The following CFAP276 variants were observed in gnomAD, a reference collection of about 807,000 sequenced individuals.
The protein encoded by CFAP276 is cilia and flagella associated protein 276, also known as cilia- and flagella-associated protein 276.
At chr1:109,107,976 T>C in the CFAP276 span, 4 of 1,599,864 alleles carry the variant, frequency 2.5e-6, no homozygotes, top group Non-Finnish European at 8.5e-7. Flanking sequence ...GGGGGTTGAG[T>C]TGAGCCGACT....
the CFAP276 span, chr1:109,106,091 A>AG: frequency 6.8e-6 from 11 of 1,611,966 alleles, no homozygotes; most frequent in South Asian, 1.2e-4. Context: ...CTGCAGTGTG[A>AG]GGGGACACTG....
At chr1:109,107,793 G>T in the CFAP276 span, 1 of 693,662 alleles carries the variant, frequency 1.4e-6, no homozygotes, top group Non-Finnish European at 2.4e-6. Flanking sequence ...CAGGAGGATT[G>T]CCTGAGCCTG....
chr1:109,106,226 T>C, the CFAP276 span: 2 of 826,450 alleles, frequency 2.4e-6, no homozygotes, highest in African/African-American at 3.4e-5. Context: ...AAAACCGGCA[T>C]ATGGAGGACT....
At chr1:109,112,498 T>C in the CFAP276 span, 1 of 1,442,306 alleles carries the variant, frequency 6.9e-7, no homozygotes, top group Non-Finnish European at 9.2e-7. Flanking sequence ...CGACTGAGTG[T>C]CTTCACCAGA....
At chr1:109,106,144 G>T in the CFAP276 span, 1 of 1,527,160 alleles carries the variant, frequency 6.5e-7, no homozygotes, top group Non-Finnish European at 9.0e-7. Flanking sequence ...TCAGATCGTT[G>T]GCCTTTTCTA....
chr1:109,112,307 G>T, the CFAP276 span, among the ~76,000 whole-genome samples: 1 of 152,268 alleles, frequency 6.6e-6, no homozygotes, highest in South Asian at 2.1e-4. Flanking sequence ...TAGGGAAATG[G>T]GTAGCTTGAA....
chr1:109,108,027 T>TTTTTTTTTTTTTTTTTTTTTTCA, the CFAP276 span: 24 of 1,600,592 alleles, frequency 1.5e-5, 1 homozygote, highest in Non-Finnish European at 1.9e-5. Flanking sequence ...TGGGTTCTTA[T>TTTTTTTTTTTTTTTTTTTTTTCA]ATGGCAATTT....
the CFAP276 span, chr1:109,113,493 T>G: frequency 8.6e-6 from 5 of 582,468 alleles, no homozygotes; most frequent in Non-Finnish European, 1.4e-5. Context: ...CTTGGGAAAT[T>G]GCGGCTAAGG....
chr1:109,113,468 G>GA, the CFAP276 span, among the ~76,000 whole-genome samples: 67 of 127,032 alleles, frequency 5.3e-4, 2 homozygotes, highest in Middle Eastern at 8.3e-3. Context: ...GAGAGAGAGA[G>GA]GCCCACGTGC....
the CFAP276 span, among the ~76,000 whole-genome samples, chr1:109,112,074 C>T: frequency 6.6e-6 from 1 of 152,170 alleles, no homozygotes; most frequent in South Asian, 2.1e-4. Flanking sequence ...TTATTGTGCA[C>T]CACTTCATAT....
the CFAP276 span, among the ~76,000 whole-genome samples, chr1:109,110,917 C>T: frequency 1.3e-5 from 2 of 152,164 alleles, no homozygotes; most frequent in Non-Finnish European, 2.9e-5. Flanking sequence ...CAGCAGCTAT[C>T]CTAGACTCAC....
the CFAP276 span, chr1:109,112,809 T>G: frequency 7.1e-7 from 1 of 1,417,958 alleles, no homozygotes; most frequent in Non-Finnish European, 9.3e-7. Flanking sequence ...TGCCCAGCCA[T>G]CTATGACAGA....
At chr1:109,106,740 T>G in the CFAP276 span, 1 of 1,481,390 alleles carries the variant, frequency 6.8e-7, no homozygotes, top group Non-Finnish European at 9.2e-7. Context: ...TTGAATGTGA[T>G]CTCAAGAATA....
At chr1:109,108,561 G>T in the CFAP276 span, among the ~76,000 whole-genome samples, 1 of 152,204 alleles carries the variant, frequency 6.6e-6, no homozygotes, top group Non-Finnish European at 1.5e-5. Flanking sequence ...AACAGGCCAG[G>T]AATATAGGAG....
the CFAP276 span, among the ~76,000 whole-genome samples, chr1:109,111,814 T>C: frequency 3.9e-5 from 6 of 152,204 alleles, no homozygotes; most frequent in African/African-American, 1.4e-4. Flanking sequence ...CTGTGAAGCT[T>C]TCCTTTAAGT....
the CFAP276 span, chr1:109,106,000 C>T: frequency 1.3e-6 from 2 of 1,575,810 alleles, no homozygotes; most frequent in Non-Finnish European, 1.7e-6. Context: ...GTATGTTTCA[C>T]TATAATTAGT....
chr1:109,113,670 C>T, the CFAP276 span: 1 of 1,614,126 alleles, frequency 6.2e-7, no homozygotes, highest in Non-Finnish European at 8.5e-7. Context: ...GGAGGGTGAT[C>T]TCTCCATCTT....
chr1:109,110,916 T>C, the CFAP276 span, among the ~76,000 whole-genome samples: 2 of 152,164 alleles, frequency 1.3e-5, no homozygotes, highest in African/African-American at 4.8e-5. Flanking sequence ...CCAGCAGCTA[T>C]CCTAGACTCA....
the CFAP276 span, chr1:109,106,117 A>C: frequency 2.5e-6 from 4 of 1,600,652 alleles, no homozygotes; most frequent in Non-Finnish European, 3.4e-6. Context: ...AAAAGAGAAG[A>C]GGAAGTGGAC....
Sources: gnomAD v4.1 joint callset for allele counts (sites outside exome capture counted in the v4.1 genomes callset) on GRCh38, gnomAD v4.1.1 for gene constraint, MANE v1.5 for transcripts, NCBI Gene and HGNC (gene_info 2026-07-23, HGNC 2026-07-21) for gene names.